Variants in RNF150 observed in about 807,000 individuals in gnomAD.
The protein encoded by RNF150 is ring finger protein 150.
In RNF150, 24 loss-of-function variants were observed where a neutral mutation model predicts 39.3. The observed-to-expected ratio is 0.61, with a 90% CI of 0.44 to 0.86. The LOEUF (loss-of-function observed/expected upper bound fraction) is 0.86, where lower values mean the gene tolerates loss of function less well. Ranked by LOEUF, RNF150 falls within the 40% of genes least tolerant of loss-of-function variation. The pLI is 0.00. For synonymous variants in RNF150, 255 were observed against 227.3 expected, an observed-to-expected ratio of 1.12 and a Z score of -1.10; for missense variants, 502 against 587.8, an observed-to-expected ratio of 0.85 and a Z score of 1.51.
chr4:141,107,264 T>G (rs748054313), intron 1 of RNF150, among the ~76,000 whole-genome samples: 4 of 152,242 alleles, frequency 2.6e-5, no homozygotes, highest in Non-Finnish European at 4.4e-5. Context: ...TTTGCTTTAT[T>G]AGCAAATGCT....
At chr4:141,026,139 T>C (rs745602602) in intron 1 of RNF150, among the ~76,000 whole-genome samples, 2 of 152,136 alleles carry the variant, frequency 1.3e-5, no homozygotes, top group Admixed American at 1.3e-4. Flanking sequence ...AAATTGTTAT[T>C]CAAGTCATCC....
chr4:141,137,955 A>T (rs1727052191), upstream of RNF150, among the ~76,000 whole-genome samples: 1 of 152,156 alleles, frequency 6.6e-6, no homozygotes, highest in Non-Finnish European at 1.5e-5. Context: ...ATTTCATAAG[A>T]GGTAGAGGCA....
chr4:140,970,915 C>T (rs1306595760), intron 1 of RNF150, among the ~76,000 whole-genome samples: 1 of 151,998 alleles, frequency 6.6e-6, no homozygotes, highest in Non-Finnish European at 1.5e-5. Context: ...TGGGAGATTA[C>T]TCTGGTGTGC....
At chr4:140,976,910 T>G (rs1325580063) in intron 1 of RNF150, among the ~76,000 whole-genome samples, 1 of 152,090 alleles carries the variant, frequency 6.6e-6, no homozygotes, top group Non-Finnish European at 1.5e-5. Context: ...ACACCTGCTA[T>G]CACCCTGCTT....
intron 4 of RNF150, among the ~76,000 whole-genome samples, chr4:140,931,488 A>C (rs1731633379): frequency 6.6e-6 from 1 of 152,236 alleles, no homozygotes; most frequent in Non-Finnish European, 1.5e-5. Context: ...CAACAGACTA[A>C]ATAAACAAAC....
At chr4:141,017,012 T>C (rs895397587) in intron 1 of RNF150, among the ~76,000 whole-genome samples, 13 of 152,150 alleles carry the variant, frequency 8.5e-5, no homozygotes, top group Non-Finnish European at 1.8e-4. Context: ...ATTTAGTCGA[T>C]CCCTTTACTC....
rs562938997 is a variant in RNF150, at chr4:140,863,539, C to A, written c.*4722G>T. On this transcript the variant is annotated 3_prime_UTR_variant, in exon 7 of 7. Transcript: ENST00000515673. ...TGATAATGACTCTGTAGGTATAGAACCTCCAGTTTTTTGTGTTCTGAAGGT... is the reference window on the plus strand; with the variant it reads ...TGATAATGACTCTGTAGGTATAGAAACTCCAGTTTTTTGTGTTCTGAAGGT... 2.0e-5 allele frequency: 3 copies of A among 152,156 alleles called. No individual in the cohort carries two copies. The highest frequency in any genetic ancestry group is 1.9e-4 in the East Asian group (1 of 5,174). The allele number at this position is 152,156 out of a possible 1,614,324, so 9.4% of individuals were successfully genotyped here.
At chr4:141,011,563 A>T (rs1276957582) in intron 1 of RNF150, among the ~76,000 whole-genome samples, 1 of 152,258 alleles carries the variant, frequency 6.6e-6, no homozygotes, top group African/African-American at 2.4e-5. Context: ...ATTAAGGTCA[A>T]GTATATTTGA....
At chr4:141,037,967 T>C (rs1736207651) in intron 1 of RNF150, among the ~76,000 whole-genome samples, 1 of 152,198 alleles carries the variant, frequency 6.6e-6, no homozygotes, top group Non-Finnish European at 1.5e-5. Context: ...TGTTAAAATA[T>C]ATATGATTGT....
rs1338216097 is a variant in RNF150, at chr4:140,870,998, CTCTCTA to C, written c.1199-2625_1199-2620del. ...ATAAGAATTCTCTCTCTCTCTCTCT[CTCTCTA>C]TATATATATATATGTATACACACAC... On this transcript the variant is annotated intron_variant, in intron 6 of 6. Coordinates refer to ENST00000515673, the MANE Select transcript of RNF150 (RefSeq NM_020724.2). 1.7e-3 allele frequency among the ~76,000 whole-genome samples: 243 copies of C among 143,598 alleles called. 3 individuals carry two copies. The highest frequency in any genetic ancestry group is 5.0e-3 in the African/African-American group (198 of 39,218). 94.2% of individuals were successfully genotyped at this position (143,598 alleles called of 152,430 possible). A position where few individuals can be genotyped will look rare whatever the true frequency, so the allele number is the denominator to read the frequency against.
At chr4:141,189,593 T>C (rs1728070221) in intron 1 of RNF150, among the ~76,000 whole-genome samples, 1 of 152,188 alleles carries the variant, frequency 6.6e-6, no homozygotes, top group South Asian at 2.1e-4. Context: ...AGAGATGCCC[T>C]GCTCAGTGAG....
intron 1 of RNF150, among the ~76,000 whole-genome samples, chr4:141,207,125 T>C (rs1271333827): frequency 1.3e-5 from 2 of 152,160 alleles, no homozygotes; most frequent in African/African-American, 2.4e-5. Context: ...ATGACTCAAA[T>C]GTCAATCTCT....
At chr4:141,102,382 TC>T (rs554438449) in intron 1 of RNF150, among the ~76,000 whole-genome samples, 33 of 152,274 alleles carry the variant, frequency 2.2e-4, no homozygotes, top group African/African-American at 7.9e-4. Context: ...TTTTCCCTGA[TC>T]CTTTCCTTTC....
chr4:141,190,097 T>A (rs1728079643), intron 1 of RNF150, among the ~76,000 whole-genome samples: 1 of 152,254 alleles, frequency 6.6e-6, no homozygotes, highest in African/African-American at 2.4e-5. Flanking sequence ...CACTGGCCCC[T>A]TGCACTTCCT....
chr4:140,922,814 C>T (rs1487568791), intron 5 of RNF150, among the ~76,000 whole-genome samples: 5 of 151,242 alleles, frequency 3.3e-5, no homozygotes, highest in East Asian at 3.9e-4. Context: ...GAAATAATGC[C>T]GCATATCTAC....
chr4:141,142,652 T>C (rs1727137836), intron 1 of RNF150, among the ~76,000 whole-genome samples: 1 of 152,184 alleles, frequency 6.6e-6, no homozygotes, highest in Admixed American at 6.5e-5. Context: ...GGAACACTTC[T>C]TTCCTCACCT....
chr4:141,169,661 G>C (rs892068192), intron 1 of RNF150, among the ~76,000 whole-genome samples: 2 of 151,940 alleles, frequency 1.3e-5, no homozygotes, highest in African/African-American at 4.8e-5. Flanking sequence ...TCAGGCTTGA[G>C]TTCACTTCAA....
chr4:141,141,371 G>C (rs751372079), intron 1 of RNF150, among the ~76,000 whole-genome samples: 1 of 141,368 alleles, frequency 7.1e-6, no homozygotes, highest in Non-Finnish European at 1.6e-5. Context: ...TACTGTTGCT[G>C]CTAGGCTTGA....
chr4:141,104,903 C>T (rs755582322), intron 1 of RNF150, among the ~76,000 whole-genome samples: 28 of 152,146 alleles, frequency 1.8e-4, no homozygotes, highest in Non-Finnish European at 3.8e-4. Context: ...CTGTCTCTCT[C>T]TCTCTCTTGT....
Sources: allele counts gnomAD v4.1 joint callset (sites outside exome capture counted in the v4.1 genomes callset), GRCh38; gene constraint gnomAD v4.1.1; transcripts MANE v1.5; gene names NCBI Gene and HGNC (gene_info 2026-07-23, HGNC 2026-07-21).